KCNJ15: variants seen among roughly 807,000 people sequenced by gnomAD.
The protein encoded by KCNJ15 is ATP-sensitive inward rectifier potassium channel 15.
KCNJ15 carries 14 observed loss-of-function variants against 23.0 expected under a neutral mutation model. The observed-to-expected ratio is 0.61, with a 90% confidence interval of 0.40 to 0.95. The LOEUF is 0.95. Ranked by LOEUF, KCNJ15 falls within the 40% of genes least tolerant of loss-of-function variation. KCNJ15 has a pLI of 0.00. For missense variants in KCNJ15, 388 were observed against 461.8 expected (o/e 0.84, Z 1.46); for synonymous variants, 185 against 183.2 (o/e 1.01, Z -0.08).
At chr21:38,265,731 A>T (rs1458532461) in intron 1 of KCNJ15, among the ~76,000 whole-genome samples, 1 of 152,214 alleles carries the variant, frequency 6.6e-6, no homozygotes, top group African/African-American at 2.4e-5. Context: ...ATAGGAAGAC[A>T]TGGAGGTAGA....
chr21:38,296,044 CTG>C (rs989099567), intron 1 of KCNJ15, among the ~76,000 whole-genome samples: 1 of 151,784 alleles, frequency 6.6e-6, no homozygotes, highest in Non-Finnish European at 1.5e-5. Context: ...ATAAGTGTGC[CTG>C]TGTGTGTGTG....
chr21:38,300,267 AGCC>A lies in KCNJ15; in HGVS notation c.1007_1009del (p.Ser336_Pro337delinsThr). 6.2e-7 allele frequency: 1 copy of A among 1,614,220 alleles called. No homozygotes were observed. Among genetic ancestry groups the A allele is most frequent in the Non-Finnish European group, 8.5e-7 (1 of 1,180,022 alleles). On this transcript the variant is annotated inframe_deletion, in exon 3 of 3. Coordinates refer to ENST00000398938, the MANE Select transcript of KCNJ15 (RefSeq NM_170736.3). ...CAGTCAGTTTGAACAGATTCGGAAAAGCCCAGATTGCACATTTTACTGTGCAGA... is the reference window on the plus strand; with the variant it reads ...CAGTCAGTTTGAACAGATTCGGAAAACAGATTGCACATTTTACTGTGCAGA...
At chr21:38,283,994 C>T (rs577990224) in intron 1 of KCNJ15, among the ~76,000 whole-genome samples, 1 of 152,140 alleles carries the variant, frequency 6.6e-6, no homozygotes, top group Non-Finnish European at 1.5e-5. Flanking sequence ...GGGGAAGCTC[C>T]TGCACTTTCA....
At chr21:38,285,324 A>C (rs1407174943) in intron 1 of KCNJ15, among the ~76,000 whole-genome samples, 1 of 152,198 alleles carries the variant, frequency 6.6e-6, no homozygotes, top group Admixed American at 6.5e-5. Flanking sequence ...CATTATACTA[A>C]TCATACGAGC....
chr21:38,257,315 C>T (rs904615010), intron 1 of KCNJ15, 130 bp downstream of exon 1: 1 of 152,110 alleles, frequency 6.6e-6, no homozygotes, highest in African/African-American at 2.4e-5. Flanking sequence ...TCATTTAAGA[C>T]GCCCGTGCTT....
chr21:38,265,091 T>C (rs1981325399), intron 1 of KCNJ15, among the ~76,000 whole-genome samples: 1 of 152,166 alleles, frequency 6.6e-6, no homozygotes. Flanking sequence ...ACAACAAAAT[T>C]AGCATCATTT....
chr21:38,285,478 T>A (rs1248278026), intron 1 of KCNJ15: 2 of 152,220 alleles, frequency 1.3e-5, no homozygotes, highest in Non-Finnish European at 2.9e-5. Flanking sequence ...CAGCTGGTGT[T>A]AACAGAAGCA....
chr21:38,299,926 C>G lies in KCNJ15; in HGVS notation c.665C>G (p.Thr222Ser), dbSNP rs1337119394. Residue 222 changes from threonine (T) to serine (S), a missense_variant, in exon 3 of 3, where the codon ACC becomes AGC. Coordinates refer to ENST00000398938, the MANE Select transcript of KCNJ15 (RefSeq NM_170736.3). The surrounding 1 kb of genome is among the most constrained non-coding windows in gnomAD (Gnocchi z 4.5). ...LSGKLLQTHV[T>S]KEGERILLNQ... ...GGCAAGCTCCTGCAGACCCACGTCA[C>G]CAAGGAGGGGGAGCGGATTCTCCTC... 8.1e-6 allele frequency: 13 copies of G among 1,614,018 alleles called. No individual in the cohort carries two copies. In the South Asian group the frequency reaches 1.2e-4, roughly 15 times the overall value.
At chr21:38,297,580 G>A (rs1021265256) in intron 2 of KCNJ15, among the ~76,000 whole-genome samples, 5 of 152,184 alleles carry the variant, frequency 3.3e-5, no homozygotes, top group Admixed American at 1.3e-4. Context: ...CTGTGCATTT[G>A]GGCATGCCAG....
chr21:38,273,264 A>G (rs942001020), intron 1 of KCNJ15, among the ~76,000 whole-genome samples: 6 of 152,250 alleles, frequency 3.9e-5, no homozygotes, highest in African/African-American at 1.4e-4. Flanking sequence ...TGGTCACATT[A>G]TACCTTAATT....
In KCNJ15 at chr21:38,241,076, T is replaced by C. The variant is rs927014632; in HGVS notation, c.-398-15970T>C. Among the ~76,000 whole-genome samples the C allele has an allele frequency of 5.3e-5, 8 of 152,278 alleles. No individual in the cohort carries two copies. In the East Asian group the frequency reaches 7.7e-4, roughly 15 times the overall value. ...CAAATACAAGGAAGAATGCCCAGGA[T>C]AGAGAACATCATGGAACATATTGTA... On this transcript the variant is annotated intron_variant, in intron 1 of 4. Transcript: ENST00000547341.
Position 38,306,504 on chromosome 21 carries a change from CA to C in KCNJ15, c.*6118del, listed in dbSNP as rs1986061788. The C allele has an allele frequency of 6.6e-6, 1 of 152,088 alleles. No homozygotes were observed. The highest frequency in any genetic ancestry group is 6.6e-5 in the Admixed American group (1 of 15,260). 9.4% of individuals were successfully genotyped at this position (152,088 alleles called of 1,614,324 possible). A position where few individuals can be genotyped will look rare whatever the true frequency, so the allele number is the denominator to read the frequency against. On this transcript the variant is annotated 3_prime_UTR_variant, in exon 3 of 3. Transcript: ENST00000398938. Reference sequence around the variant, plus strand: ...CCAAGAAGGTGATTGGAGGGAAGTTCAAAGGGAAGATTTTTTTCATTCACTG... The same window carrying C: ...CCAAGAAGGTGATTGGAGGGAAGTTCAAGGGAAGATTTTTTTCATTCACTG...
intron 1 of KCNJ15, among the ~76,000 whole-genome samples, chr21:38,295,111 A>G (rs114726701): frequency 0.013 from 2,052 of 152,334 alleles, 39 homozygotes; most frequent in African/African-American, 0.046. Flanking sequence ...TGAGGCTGCA[A>G]TATTTACCTG....
chr21:38,264,787 A>G (rs1981291166), intron 1 of KCNJ15, among the ~76,000 whole-genome samples: 1 of 152,232 alleles, frequency 6.6e-6, no homozygotes, highest in Admixed American at 6.5e-5. Flanking sequence ...AAGGAGGGAG[A>G]CATCTTATTA....
chr21:38,262,967 C>T (rs748089521), intron 1 of KCNJ15, among the ~76,000 whole-genome samples: 8 of 152,154 alleles, frequency 5.3e-5, no homozygotes, highest in Non-Finnish European at 7.3e-5. Flanking sequence ...CCTGAGCTAC[C>T]GTGCCTGGCC....
chr21:38,301,456 A>C lies in KCNJ15; in HGVS notation c.*1067A>C, dbSNP rs1278279878. On this transcript the variant is annotated 3_prime_UTR_variant, in exon 3 of 3. Transcript: ENST00000398938. ...AGGAACTGCATAGGATTATCCCCTG[A>C]CATTCCAAGAGCAAAATAAAGCTCT... The C allele has an allele frequency of 6.0e-6, 1 of 167,114 alleles. No individual in the cohort carries two copies. Among genetic ancestry groups the C allele is most frequent in the Non-Finnish European group, 1.5e-5 (1 of 68,120 alleles). 10.4% of individuals were successfully genotyped at this position (167,114 alleles called of 1,614,324 possible). A position where few individuals can be genotyped will look rare whatever the true frequency, so the allele number is the denominator to read the frequency against.
chr21:38,283,881 T>G (rs1197132716), intron 1 of KCNJ15, among the ~76,000 whole-genome samples: 1 of 152,192 alleles, frequency 6.6e-6, no homozygotes, highest in Non-Finnish European at 1.5e-5. Flanking sequence ...TTTCTTGGAC[T>G]GATGGTCCCT....
chr21:38,249,614 G>A (rs1568986207), intron 1 of KCNJ15, among the ~76,000 whole-genome samples: 2 of 152,230 alleles, frequency 1.3e-5, no homozygotes, highest in African/African-American at 4.8e-5. Flanking sequence ...TGTCTAGTCT[G>A]TATAGGTGTG....
At chr21:38,232,680 T>C (rs1445374824) in intron 1 of KCNJ15, among the ~76,000 whole-genome samples, 1 of 151,940 alleles carries the variant, frequency 6.6e-6, no homozygotes, top group Non-Finnish European at 1.5e-5. Flanking sequence ...ATTTCTGAAT[T>C]TCCCATATGA....
Sources: gnomAD v4.1 joint callset for allele counts (sites outside exome capture counted in the v4.1 genomes callset) on GRCh38, gnomAD v4.1.1 for gene constraint, Gnocchi (gnomAD v3.1) non-coding constraint, MANE v1.5 for transcripts, NCBI Gene and HGNC (gene_info 2026-07-23, HGNC 2026-07-21) for gene names.